The following KIAA1217 variants were observed in gnomAD, a reference collection of about 807,000 sequenced individuals.
The protein encoded by KIAA1217 is KIAA1217.
A neutral mutation model predicts 163.9 loss-of-function variants in KIAA1217; 88 were observed. That is an observed-to-expected ratio of 0.54 (90% CI 0.45 to 0.64). KIAA1217 has a LOEUF of 0.64. Among genes scored for constraint, KIAA1217 ranks in the 30% least tolerant of loss-of-function variants. The probability of loss-of-function intolerance (pLI) is 0.00; values close to 1 mark genes in which losing one functional copy is unlikely to be tolerated. For missense variants in KIAA1217, 2,372 were observed against 2,475.0 expected (o/e 0.96, Z 0.88); for synonymous variants, 903 against 923.1 (o/e 0.98, Z 0.39).
chr10:24,132,807 G>C (rs902468665), intron 2 of KIAA1217, among the ~76,000 whole-genome samples: 3 of 152,164 alleles, frequency 2.0e-5, no homozygotes, highest in African/African-American at 7.2e-5. Flanking sequence ...GGATGAGGCT[G>C]GGGGGCTGTC....
chr10:24,286,402 G>A (rs185292745), intron 2 of KIAA1217, among the ~76,000 whole-genome samples: 95 of 151,620 alleles, frequency 6.3e-4, no homozygotes, highest in African/African-American at 2.2e-3. Flanking sequence ...ACTTAATAAT[G>A]CTTAGTTTTA....
intron 2 of KIAA1217, among the ~76,000 whole-genome samples, chr10:24,312,369 A>G (rs1195359154): frequency 2.0e-5 from 3 of 151,862 alleles, no homozygotes; most frequent in Non-Finnish European, 4.4e-5. Flanking sequence ...TAATCCCAGC[A>G]CTTTGGGAGG....
At chr10:23,869,314 C>G (rs1009528234) in intron 1 of KIAA1217, among the ~76,000 whole-genome samples, 2 of 151,736 alleles carry the variant, frequency 1.3e-5, no homozygotes, top group Non-Finnish European at 2.9e-5. Context: ...TTGTTATTCA[C>G]TTGAATAACA....
intron 3 of KIAA1217, among the ~76,000 whole-genome samples, chr10:24,393,925 T>A (rs557965891): frequency 6.6e-6 from 1 of 152,192 alleles, no homozygotes; most frequent in Non-Finnish European, 1.5e-5. Flanking sequence ...TCTTCTTTCG[T>A]CCTGTCTCCT....
chr10:23,916,246 A>T (rs7903728), intron 1 of KIAA1217, among the ~76,000 whole-genome samples: 1 of 152,016 alleles, frequency 6.6e-6, no homozygotes, highest in South Asian at 2.1e-4. Context: ...AGACACAGAC[A>T]CATCCATAAA....
At chr10:24,072,137 T>C (rs2061209699) in intron 2 of KIAA1217, among the ~76,000 whole-genome samples, 1 of 152,110 alleles carries the variant, frequency 6.6e-6, no homozygotes, top group Non-Finnish European at 1.5e-5. Flanking sequence ...GCAATTCTCC[T>C]GCCTCAGCCA....
chr10:24,367,863 A>G (rs956691185), intron 2 of KIAA1217, among the ~76,000 whole-genome samples: 1 of 152,238 alleles, frequency 6.6e-6, no homozygotes, highest in Non-Finnish European at 1.5e-5. Flanking sequence ...AGAGAAGTTA[A>G]GTAACTTGCC....
intron 2 of KIAA1217, among the ~76,000 whole-genome samples, chr10:24,024,543 A>G (rs968146745): frequency 6.6e-6 from 1 of 151,758 alleles, no homozygotes; most frequent in Non-Finnish European, 1.5e-5. Flanking sequence ...GAGTAATTCT[A>G]CATGTGGATA....
rs556353095 is a variant in KIAA1217, at chr10:23,963,837, G to A, written c.-320-43388G>A. 2.0e-5 allele frequency among the ~76,000 whole-genome samples: 3 copies of A among 151,432 alleles called. No individual in the cohort carries two copies. In the East Asian group the frequency reaches 5.8e-4, roughly 29 times the overall value. ...CTGGCATGAGATGGTATCTCATTGT[G>A]GTTTTGATTTGCATTTCTCTAATGA... On this transcript the variant is annotated intron_variant, in intron 1 of 18. Transcript: ENST00000376462.
chr10:23,912,760 T>C (rs759291574), intron 1 of KIAA1217, among the ~76,000 whole-genome samples: 3 of 152,176 alleles, frequency 2.0e-5, no homozygotes, highest in Admixed American at 6.5e-5. Flanking sequence ...AAAATAATCA[T>C]TTGCCTTTCA....
chr10:23,743,572 G>T (rs2130815784), intron 1 of KIAA1217, among the ~76,000 whole-genome samples: 1 of 152,288 alleles, frequency 6.6e-6, no homozygotes, highest in East Asian at 1.9e-4. Flanking sequence ...GGAAATGAGG[G>T]TAGTTAGAAT....
intron 4 of KIAA1217, among the ~76,000 whole-genome samples, chr10:24,437,891 G>A (rs1363211542): frequency 6.3e-4 from 43 of 67,972 alleles, no homozygotes; most frequent in Admixed American, 4.4e-3. Flanking sequence ...TTCAGTTGCC[G>A]AAAGTGTTTG....
chr10:24,246,938 C>T (rs1423426377), intron 2 of KIAA1217, among the ~76,000 whole-genome samples: 1 of 151,674 alleles, frequency 6.6e-6, no homozygotes, highest in African/African-American at 2.4e-5. Context: ...CACTGGAACC[C>T]GATGGCGGAG....
At chr10:24,366,164 G>T (rs1303390569) in intron 2 of KIAA1217, among the ~76,000 whole-genome samples, 1 of 152,144 alleles carries the variant, frequency 6.6e-6, no homozygotes, top group Admixed American at 6.5e-5. Context: ...TCAAAAATGA[G>T]TCGGATGCAG....
chr10:24,004,213 A>T (rs1228012508), intron 1 of KIAA1217, among the ~76,000 whole-genome samples: 1 of 152,054 alleles, frequency 6.6e-6, no homozygotes, highest in African/African-American at 2.4e-5. Context: ...TCCTGAACTC[A>T]TGATCCACCC....
In KIAA1217 at chr10:24,334,480, G is replaced by GAAGGAAGGAAGGAAGGAAGA. The variant is rs548225852; in HGVS notation, c.355-46383_355-46382insGGAAGGAAGGAAGAAAGGAA. ...GGAAGGAAGGAAGGAAGGAAGGAAG[G>GAAGGAAGGAAGGAAGGAAGA]AAGGAACTTACTTGAATTGGCATTT... is the stretch of plus-strand genomic sequence containing the variant. On this transcript the variant is annotated intron_variant, in intron 2 of 20. Transcript: ENST00000376454. Among the ~76,000 whole-genome samples the GAAGGAAGGAAGGAAGGAAGA allele has an allele frequency of 1.9e-3, 155 of 81,868 alleles. 4 individuals are homozygous for GAAGGAAGGAAGGAAGGAAGA. The highest frequency in any genetic ancestry group is 9.8e-3 in the East Asian group (39 of 3,994). 53.7% of individuals were successfully genotyped at this position (81,868 alleles called of 152,430 possible).
intron 2 of KIAA1217, among the ~76,000 whole-genome samples, chr10:24,062,942 T>A (rs1258984151): frequency 6.6e-6 from 1 of 152,180 alleles, no homozygotes; most frequent in Admixed American, 6.5e-5. Flanking sequence ...TATCTTCTTT[T>A]GAGAAGTGTC....
Position 24,520,967 on chromosome 10 carries a change from A to G in KIAA1217, c.2308+714A>G, listed in dbSNP as rs558163677. On this transcript the variant is annotated intron_variant, in intron 11 of 20. Transcript: ENST00000376454. Reference sequence around the variant, plus strand: ...AGCACTTTGGGAGGCCAAGGCAGGAAAATCGCCTGAGGCCAGGAGTTCAAG... The same window carrying G: ...AGCACTTTGGGAGGCCAAGGCAGGAGAATCGCCTGAGGCCAGGAGTTCAAG... Among the ~76,000 whole-genome samples, 6 of 150,618 alleles carry G rather than the reference A, an allele frequency of 4.0e-5. No individual in the cohort carries two copies. In the East Asian group the frequency reaches 1.2e-3, roughly 29 times the overall value.
At chr10:24,256,579 A>C (rs66532675) in intron 2 of KIAA1217, among the ~76,000 whole-genome samples, 41,418 of 152,092 alleles carry the variant, frequency 0.27, 6,339 homozygotes, top group Non-Finnish European at 0.35. Context: ...AAGTAGAAAT[A>C]GAATTAAGGA....
Sources: allele counts gnomAD v4.1 joint callset (sites outside exome capture counted in the v4.1 genomes callset), GRCh38; gene constraint gnomAD v4.1.1; transcripts MANE v1.5; gene names NCBI Gene and HGNC (gene_info 2026-07-23, HGNC 2026-07-21).